The following FXR1 variants were observed in gnomAD, a reference collection of about 807,000 sequenced individuals.
The protein encoded by FXR1 is RNA-binding protein FXR1.
In FXR1, 15 loss-of-function variants were observed where a neutral mutation model predicts 84.0. The ratio of observed to expected loss-of-function variants is 0.18; its 90% CI spans 0.12 to 0.27. FXR1 has a LOEUF of 0.27. Among genes scored for constraint, FXR1 ranks in the 10% least tolerant of loss-of-function variants. The pLI is 1.00. For missense variants in FXR1, 480 were observed against 774.4 expected (o/e 0.62, Z 4.51); for synonymous variants, 245 against 250.7 (o/e 0.98, Z 0.21).
chr3:180,959,381 T>C (rs1186248765), intron 10 of FXR1, among the ~76,000 whole-genome samples: 1 of 151,872 alleles, frequency 6.6e-6, no homozygotes, highest in East Asian at 1.9e-4. Context: ...TTGATTATCC[T>C]TAGAACAGAA....
At chr3:180,967,683 AT>A (rs1156863221) in intron 13 of FXR1, among the ~76,000 whole-genome samples, 1 of 149,318 alleles carries the variant, frequency 6.7e-6, no homozygotes, top group Admixed American at 6.7e-5. Flanking sequence ...ATGACTTTGT[AT>A]TTCCTGGATA....
At chr3:180,964,206 G>C (rs1712502248) in intron 13 of FXR1, among the ~76,000 whole-genome samples, 1 of 152,120 alleles carries the variant, frequency 6.6e-6, no homozygotes, top group Non-Finnish European at 1.5e-5. Context: ...AGCATATAAA[G>C]GGATGAAAAT....
At chr3:180,913,652 A>G (rs764150435) in intron 1 of FXR1, among the ~76,000 whole-genome samples, 3 of 152,186 alleles carry the variant, frequency 2.0e-5, no homozygotes, top group Non-Finnish European at 4.4e-5. Context: ...GCGTTCACAT[A>G]TCTGAAAATG....
chr3:180,948,023 GT>G, intron 4 of FXR1, 87 bp downstream of exon 4: 1 of 752,140 alleles, frequency 1.3e-6, no homozygotes. Context: ...TCAACTGTTA[GT>G]TTTATTTCTA....
At chr3:180,952,668 G>GT (rs1487568516) in intron 8 of FXR1, among the ~76,000 whole-genome samples, 1 of 151,878 alleles carries the variant, frequency 6.6e-6, no homozygotes, top group Non-Finnish European at 1.5e-5. Context: ...TTTGTTACTT[G>GT]TATAAGTGTT....
chr3:180,958,380 AC>A (rs1199409420), intron 10 of FXR1, among the ~76,000 whole-genome samples: 5 of 151,658 alleles, frequency 3.3e-5, no homozygotes, highest in African/African-American at 1.2e-4. Flanking sequence ...TTTATCTCTC[AC>A]CCCCCTCCCA....
At chr3:180,936,718 T>C (rs1470312763) in intron 3 of FXR1, among the ~76,000 whole-genome samples, 2 of 152,224 alleles carry the variant, frequency 1.3e-5, no homozygotes, top group East Asian at 3.8e-4. Flanking sequence ...GTAAAGTGAA[T>C]GCTTTACTCA....
chr3:180,974,331 C>T (rs1225532848), intron 15 of FXR1, among the ~76,000 whole-genome samples: 4 of 152,004 alleles, frequency 2.6e-5, no homozygotes, highest in South Asian at 2.1e-4. Context: ...CTAATTCTGA[C>T]GGGGTTTCAC....
intron 15 of FXR1, among the ~76,000 whole-genome samples, chr3:180,974,904 C>T (rs1352681261): frequency 6.7e-6 from 1 of 149,856 alleles, no homozygotes; most frequent in Non-Finnish European, 1.5e-5. Flanking sequence ...TTAAGTATAT[C>T]ATACTGTGAT....
At chr3:180,928,804 A>T (rs1411670528) in intron 1 of FXR1, among the ~76,000 whole-genome samples, 1 of 152,052 alleles carries the variant, frequency 6.6e-6, no homozygotes, top group East Asian at 1.9e-4. Flanking sequence ...TTTTTTAAAA[A>T]ATTGTTTTAT....
At chr3:180,927,563 CT>C in intron 1 of FXR1, 3 of 584,410 alleles carry the variant, frequency 5.1e-6, no homozygotes, top group South Asian at 4.1e-5. Flanking sequence ...AGTTGAGAAA[CT>C]TTTTGTTTTT....
intron 1 of FXR1, among the ~76,000 whole-genome samples, chr3:180,927,069 G>T (rs1004618331): frequency 2.6e-5 from 4 of 152,062 alleles, no homozygotes; most frequent in African/African-American, 9.7e-5. Flanking sequence ...CTTACCAGTT[G>T]TGAGTTAGTT....
chr3:180,970,422 A>ATATATATATATATATATATATAT (rs1713420851), intron 15 of FXR1, 64 bp downstream of exon 15: 7 of 258,452 alleles, frequency 2.7e-5, no homozygotes, highest in East Asian at 7.7e-5. Context: ...ATATATATAT[A>ATATATATATATATATATATATAT]ATTGTAAACT....
intron 10 of FXR1, among the ~76,000 whole-genome samples, chr3:180,958,205 G>A (rs1284810843): frequency 6.6e-6 from 1 of 152,084 alleles, no homozygotes; most frequent in African/African-American, 2.4e-5. Flanking sequence ...CATACGTAGA[G>A]TGTAAAGCTG....
At chr3:180,962,010 A>G (rs763922408) in intron 11 of FXR1, among the ~76,000 whole-genome samples, 1 of 152,222 alleles carries the variant, frequency 6.6e-6, no homozygotes, top group Non-Finnish European at 1.5e-5. Flanking sequence ...CTCCACTGAC[A>G]TTACTCGATA....
chr3:180,934,149 CTG>C (rs375802554), intron 2 of FXR1, among the ~76,000 whole-genome samples: 509 of 152,254 alleles, frequency 3.3e-3, no homozygotes, highest in African/African-American at 0.012. Context: ...CAGAAAAAAA[CTG>C]TTCAGCTTCC....
intron 10 of FXR1, among the ~76,000 whole-genome samples, chr3:180,959,930 A>G (rs2108480776): frequency 6.6e-6 from 1 of 152,268 alleles, no homozygotes; most frequent in East Asian, 1.9e-4. Context: ...AAAATGTCTT[A>G]AACCACGCTT....
intron 9 of FXR1, 72 bp from the exon 10 acceptor site, chr3:180,957,747 T>C: frequency 1.5e-6 from 1 of 682,746 alleles, no homozygotes; most frequent in African/African-American, 1.8e-5. Flanking sequence ...TTACAAATAA[T>C]TGGGGCTGAC....
At position 180,981,997 on chromosome 3, in the gene FXR1, A is replaced by G. The variant is rs1560035709; in HGVS notation, c.*5705A>G. ...GGCCCCAAGCTAGATCTGTAGAGAT[A>G]AGTACTAGACTCACATCTCAGTACT... On this transcript the variant is annotated 3_prime_UTR_variant, in exon 17 of 17. Coordinates refer to ENST00000357559, the MANE Select transcript of FXR1 (RefSeq NM_005087.4). 6.6e-6 allele frequency: 1 copy of G among 152,076 alleles called. No homozygotes were observed. Among genetic ancestry groups the G allele is most frequent in the Non-Finnish European group, 1.5e-5 (1 of 67,962 alleles). The allele number at this position is 152,076 out of a possible 1,614,324, so 9.4% of individuals were successfully genotyped here.
Sources: gnomAD v4.1 joint callset for allele counts (sites outside exome capture counted in the v4.1 genomes callset) on GRCh38, gnomAD v4.1.1 for gene constraint, MANE v1.5 for transcripts, NCBI Gene and HGNC (gene_info 2026-07-23, HGNC 2026-07-21) for gene names.